Variants in RHOF observed in about 807,000 individuals in gnomAD.
The protein encoded by RHOF is rho-related GTP-binding protein RhoF.
A neutral mutation model predicts 22.2 loss-of-function variants in RHOF; 21 were observed. The ratio of observed to expected loss-of-function variants is 0.95; its 90% confidence interval spans 0.67 to 1.36. The LOEUF is 1.36. RHOF is among the 40% of genes most tolerant of loss of function. RHOF has a pLI of 0.00. For synonymous variants in RHOF, 135 were observed against 131.2 expected (o/e 1.03, Z -0.20); for missense variants, 285 against 293.7 (o/e 0.97, Z 0.22).
rs780912961 is a variant in RHOF, at chr12:121,780,943, C to T, written c.400G>A (p.Asp134Asn). The T allele has an allele frequency of 6.2e-7, 1 of 1,614,092 alleles. No individual in the cohort carries two copies. Among genetic ancestry groups the T allele is most frequent in the Non-Finnish European group, 8.5e-7 (1 of 1,179,994 alleles). ...AGCTGCTCCTTGTCCTTCCTCAGGT[C>T]TGTCTTGCAGCCGATGAGCACCATG... ...IPMVLIGCKT[D>N]LRKDKEQLRK... is the part of the protein sequence containing the mutation. The change falls in exon 4 of 5, where the codon GAC becomes AAC. Residue 134 changes from aspartate (D) to asparagine (N), a missense_variant. Physicochemically the swap from Asp to Asn is conservative, Grantham distance 23. Coordinates refer to ENST00000267205, the MANE Select transcript of RHOF (RefSeq NM_019034.3).
In RHOF at chr12:121,780,853, G is replaced by A. The variant is rs1246950995; in HGVS notation, c.471+19C>T. On this transcript the variant is annotated intron_variant, in intron 4 of 4. Transcript: ENST00000267205. ...CTTCACAGCCACGGCTGTGCCCCAG[G>A]GTCTTGGCCCCGGCCCACCTGCATG... 6 of 1,608,174 alleles carry A rather than the reference G, an allele frequency of 3.7e-6. No individual in the cohort carries two copies. The Admixed American group carries it at 1.0e-4, about 27-fold the overall frequency.
chr12:121,793,422 A>G (rs1170163812), intron 1 of RHOF, 74 bp downstream of exon 1: 219 of 1,516,906 alleles, frequency 1.4e-4, no homozygotes, highest in Non-Finnish European at 1.8e-4. Context: ...GACGCTGGGG[A>G]CTGAGGGTCG....
chr12:121,778,442 C>G lies in RHOF; in HGVS notation c.*1056G>C, dbSNP rs1340447792. 7.1e-6 allele frequency: 1 copy of G among 141,626 alleles called. No homozygotes were observed. The highest frequency in any genetic ancestry group is 1.5e-5 in the Non-Finnish European group (1 of 66,616). 8.8% of individuals were successfully genotyped at this position (141,626 alleles called of 1,614,324 possible). A position where few individuals can be genotyped will look rare whatever the true frequency, so the allele number is the denominator to read the frequency against. ...CTCTAGCCTGAGTGACAGAATGAGA[C>G]TCTGTCCCAAAAAAAAAAAAAAAAA... On this transcript the variant is annotated 3_prime_UTR_variant, in exon 5 of 5. Transcript: ENST00000267205.
intron 4 of RHOF, chr12:121,780,424 T>C (rs1414618550): frequency 4.3e-6 from 1 of 233,626 alleles, no homozygotes; most frequent in Non-Finnish European, 8.4e-6. Context: ...CCTTTTATTC[T>C]GTTTATTCCC....
intron 2 of RHOF, among the ~76,000 whole-genome samples, chr12:121,784,297 A>G: frequency 6.6e-6 from 1 of 152,000 alleles, no homozygotes; most frequent in African/African-American, 2.4e-5. Flanking sequence ...TTGTAATCCC[A>G]GCACTTTGGG....
rs147085558 is a variant in RHOF, at chr12:121,785,512, C to T, written c.227-4320G>A. 3.6e-3 allele frequency among the ~76,000 whole-genome samples: 549 copies of T among 150,726 alleles called. 2 individuals carry two copies. Among genetic ancestry groups the T allele is most frequent in the African/African-American group, 0.012 (514 of 41,146 alleles). On this transcript the variant is annotated intron_variant, in intron 2 of 4. Coordinates refer to ENST00000267205, the MANE Select transcript of RHOF (RefSeq NM_019034.3). ...CACGATCTCAGCTCACTGTAAGCTA[C>T]GCCTCCTGGGTTCAAGTGGTTCTCC...
chr12:121,790,373 G>A (rs1380006242), intron 2 of RHOF, among the ~76,000 whole-genome samples: 2 of 152,238 alleles, frequency 1.3e-5, no homozygotes, highest in Non-Finnish European at 2.9e-5. Context: ...TTCTGGCTTG[G>A]CCATTCCCTC....
chr12:121,785,032 A>C (rs978117831), intron 2 of RHOF, among the ~76,000 whole-genome samples: 1 of 151,806 alleles, frequency 6.6e-6, no homozygotes, highest in Admixed American at 6.6e-5. Flanking sequence ...ACAAGAATAA[A>C]ATAAAACAGG....
intron 2 of RHOF, among the ~76,000 whole-genome samples, chr12:121,784,769 T>C (rs944735356): frequency 6.6e-6 from 1 of 152,152 alleles, no homozygotes. Context: ...TTGTTTTGTA[T>C]TGTGCAAAAA....
chr12:121,788,895 G>A (rs1461198042), intron 2 of RHOF, among the ~76,000 whole-genome samples: 2 of 152,104 alleles, frequency 1.3e-5, no homozygotes, highest in South Asian at 2.1e-4. Context: ...ATGGTGGGTG[G>A]TCAGAACCCC....
chr12:121,779,535 T>G lies in RHOF; in HGVS notation c.599A>C (p.Gln200Pro). 6.2e-7 allele frequency: 1 copy of G among 1,613,052 alleles called. No homozygotes were observed. The highest frequency in any genetic ancestry group is 8.5e-7 in the Non-Finnish European group (1 of 1,179,384). ...GCAGAGCCGGCGCTTCTTCTGCCGT[T>G]GCGCCTTCTTCAGAGCGCTGAGAGC... ...KVALSALKKA[Q>P]RQKKRRLCLL... Residue 200 changes from glutamine to proline, a missense_variant, in exon 5 of 5, where the codon CAA becomes CCA. Coordinates refer to ENST00000267205, the MANE Select transcript of RHOF (RefSeq NM_019034.3).
intron 2 of RHOF, among the ~76,000 whole-genome samples, chr12:121,790,161 G>T (rs971535367): frequency 6.6e-6 from 1 of 152,340 alleles, no homozygotes; most frequent in South Asian, 2.1e-4. Context: ...AGCCACACGG[G>T]CCTTCCACGA....
At chr12:121,790,466 G>A (rs1044243300) in intron 2 of RHOF, among the ~76,000 whole-genome samples, 1 of 152,246 alleles carries the variant, frequency 6.6e-6, no homozygotes, top group Non-Finnish European at 1.5e-5. Flanking sequence ...TCCACCTGCA[G>A]GCCGAGATGA....
chr12:121,781,322 C>T, intron 2 of RHOF, 130 bp from the exon 3 acceptor site: 1 of 765,302 alleles, frequency 1.3e-6, no homozygotes, highest in Admixed American at 2.6e-5. Context: ...CAATGGGCAG[C>T]AAGCCAGGAG....
At chr12:121,790,193 G>A (rs1271641295) in intron 2 of RHOF, among the ~76,000 whole-genome samples, 4 of 152,248 alleles carry the variant, frequency 2.6e-5, no homozygotes, top group East Asian at 1.9e-4. Flanking sequence ...GGCAGCGTCC[G>A]GCCCCTGCCC....
Position 121,781,105 on chromosome 12 carries a change from C to T in RHOF, c.314G>A (p.Ser105Asn), listed in dbSNP as rs1288763917. The change falls in exon 3 of 5, where the codon AGC (serine) becomes AAC (asparagine). Residue 105 changes from serine to asparagine, a missense_variant. Coordinates refer to ENST00000267205, the MANE Select transcript of RHOF (RefSeq NM_019034.3). ...CACCTTGATGAGGACGTTGTCGTAG[C>T]TGGTGGGATTCATGACGTCATAGCA... ...LICYDVMNPT[S>N]YDNVLIKWFP... 6.2e-7 allele frequency: 1 copy of T among 1,614,230 alleles called. No individual in the cohort carries two copies.
intron 2 of RHOF, among the ~76,000 whole-genome samples, chr12:121,786,042 A>G (rs934351339): frequency 6.6e-6 from 1 of 151,092 alleles, no homozygotes; most frequent in Non-Finnish European, 1.5e-5. Flanking sequence ...AAGCCTCCAG[A>G]GTAGCTGGGA....
intron 2 of RHOF, among the ~76,000 whole-genome samples, chr12:121,783,667 A>AGAT (rs1874534487): frequency 6.6e-6 from 1 of 152,156 alleles, no homozygotes; most frequent in African/African-American, 2.4e-5. Flanking sequence ...TTTTTAGTAG[A>AGAT]GATGGGGTTT....
At chr12:121,788,482 G>C (rs1054694625) in intron 2 of RHOF, among the ~76,000 whole-genome samples, 1 of 152,108 alleles carries the variant, frequency 6.6e-6, no homozygotes, top group Admixed American at 6.5e-5. Context: ...GGGGTGGTGG[G>C]GGGACCAGGC....
Sources: allele counts gnomAD v4.1 joint callset (sites outside exome capture counted in the v4.1 genomes callset), GRCh38; gene constraint gnomAD v4.1.1; transcripts MANE v1.5; gene names NCBI Gene and HGNC (gene_info 2026-07-23, HGNC 2026-07-21).